Variants in CFAP54 observed in about 807,000 individuals in gnomAD.
CFAP54 encodes the protein cilia and flagella associated protein 54.
Under a neutral mutation model 370.4 loss-of-function variants are expected in CFAP54, and 290 were observed. The observed-to-expected ratio is 0.78, with a 90% CI of 0.71 to 0.86. The LOEUF (loss-of-function observed/expected upper bound fraction) is 0.86. Among genes scored for constraint, CFAP54 ranks in the 40% least tolerant of loss-of-function variants. The pLI is 0.00. For missense variants in CFAP54, 3,399 were observed against 3,528.7 expected, an observed-to-expected ratio of 0.96 and a Z score of 0.93; for synonymous variants, 1,206 against 1,236.5, an observed-to-expected ratio of 0.98 and a Z score of 0.52.
rs2160502 is a variant in CFAP54 at position 96,534,208 on chromosome 12, A to C, written c.1686A>C (p.Leu562Phe). 42 of 1,415,654 alleles carry C rather than the reference A, an allele frequency of 3.0e-5. 1 individual carries two copies. The South Asian group carries it at 5.3e-4, about 18-fold the overall frequency. The allele number at this position is 1,415,654 out of a possible 1,614,324, so 87.7% of individuals were successfully genotyped here. ...AAGGACAGTCAACTCAAATTTATTTAAAAAAAATTGCTGTTCATGGTAAGT... is the reference window on the plus strand; with the variant it reads ...AAGGACAGTCAACTCAAATTTATTTCAAAAAAATTGCTGTTCATGGTAAGT... Reference protein sequence around the residue: ...YKEGQSTQIYLKKIAVHDTCL... With the variant: ...YKEGQSTQIYFKKIAVHDTCL... Residue 562 changes from leucine to phenylalanine, a missense_variant, in exon 11 of 68, where the codon TTA (leucine) becomes TTC (phenylalanine). By Grantham distance (22) the Leu-to-Phe change is conservative. Around this residue, in one of 3 missense-constraint regions of CFAP54, gnomAD observed 2,796 missense variants for 2,869.7 expected, o/e 0.97. Transcript: ENST00000524981.
At chr12:96,786,523 T>C (rs1335860234) in intron 61 of CFAP54, among the ~76,000 whole-genome samples, 152 bp from the exon 62 acceptor site, 1 of 152,066 alleles carries the variant, frequency 6.6e-6, no homozygotes, top group African/African-American at 2.4e-5. Flanking sequence ...ATTCCATTAG[T>C]GTATAAGCTC....
intron 67 of CFAP54, among the ~76,000 whole-genome samples, chr12:96,869,219 G>A (rs538431473): frequency 1.4e-4 from 22 of 152,254 alleles, no homozygotes; most frequent in Non-Finnish European, 2.8e-4. Context: ...ATTTTTGTTC[G>A]AGGAAAAATA....
intron 55 of CFAP54, among the ~76,000 whole-genome samples, chr12:96,750,674 G>T (rs1056464398): frequency 1.3e-5 from 2 of 152,082 alleles, no homozygotes; most frequent in African/African-American, 4.8e-5. Context: ...GTGTTAAATT[G>T]TACAGATTGT....
At position 96,833,507 on chromosome 12, in the gene CFAP54, C is replaced by CGTGTGT. The variant is rs34316003; in HGVS notation, c.9171+4451_9171+4456dup. On this transcript the variant is annotated intron_variant, in intron 66 of 67. Coordinates refer to ENST00000524981, the MANE Select transcript of CFAP54 (RefSeq NM_001306084.2). ...TTGCCTAATCAATTACACACGCGTA[C>CGTGTGT]GTGTGTGTGTGTGTGTGTGTGTGTG... is the stretch of plus-strand genomic sequence containing the variant. Among the ~76,000 whole-genome samples, 1,205 of 144,142 alleles carry CGTGTGT rather than the reference C, an allele frequency of 8.4e-3. 13 individuals are homozygous for CGTGTGT. Among genetic ancestry groups the CGTGTGT allele is most frequent in the African/African-American group, 0.024 (956 of 39,632 alleles). The allele number at this position is 144,142 out of a possible 152,430, so 94.6% of individuals were successfully genotyped here.
chr12:96,765,073 G>T lies in CFAP54; in HGVS notation c.8140-4G>T, dbSNP rs1274735883. The T allele has an allele frequency of 7.0e-7, 1 of 1,426,526 alleles. No homozygotes were observed. 88.4% of individuals were successfully genotyped at this position (1,426,526 alleles called of 1,614,324 possible). ...TATAATTCTAATTTATGCATTAATT[G>T]TAGGTCAGTGAAGCTGTGCTGGCAA... On this transcript the variant is annotated splice_region_variant and splice_polypyrimidine_tract_variant and intron_variant, in intron 59 of 67. Coordinates refer to ENST00000524981, the MANE Select transcript of CFAP54 (RefSeq NM_001306084.2).
At chr12:96,706,048 C>A (rs1367095601) in intron 47 of CFAP54, among the ~76,000 whole-genome samples, 1 of 151,960 alleles carries the variant, frequency 6.6e-6, no homozygotes, top group Non-Finnish European at 1.5e-5. Context: ...AAATCAAGAG[C>A]CTATTGTGTG....
chr12:96,545,300 A>C (rs1592843563), intron 14 of CFAP54, among the ~76,000 whole-genome samples: 1 of 152,108 alleles, frequency 6.6e-6, no homozygotes, highest in South Asian at 2.1e-4. Flanking sequence ...TAATACAGAT[A>C]ACGGGTTGAT....
At position 96,764,267 on chromosome 12, in the gene CFAP54, T is replaced by G. The variant is rs1958373230; in HGVS notation, c.8139+18T>G. The G allele has an allele frequency of 6.4e-7, 1 of 1,557,392 alleles. No individual in the cohort carries two copies. The highest frequency in any genetic ancestry group is 1.7e-5 in the Admixed American group (1 of 59,108). On this transcript the variant is annotated intron_variant, in intron 59 of 67. Transcript: ENST00000524981. ...CTGCACAGGTTGGTGTGATTTTTGT[T>G]TAATCTTTCTTCTTACTGTCATATC...
intron 26 of CFAP54, among the ~76,000 whole-genome samples, chr12:96,603,111 T>C (rs938455919): frequency 6.6e-6 from 1 of 152,240 alleles, no homozygotes; most frequent in Non-Finnish European, 1.5e-5. Flanking sequence ...TTCCTTTCTA[T>C]GTTTAGTGCT....
chr12:96,528,239 T>G (rs181094939), intron 9 of CFAP54, among the ~76,000 whole-genome samples: 1 of 151,798 alleles, frequency 6.6e-6, no homozygotes, highest in East Asian at 1.9e-4. Context: ...TGTTTTTTTT[T>G]GTTGTTGTTT....
At chr12:96,519,202 G>A (rs913617088) in intron 6 of CFAP54, 131 bp downstream of exon 6, 48 of 838,910 alleles carry the variant, frequency 5.7e-5, no homozygotes, top group Non-Finnish European at 7.7e-5. Context: ...AGGTTCAAGC[G>A]ATTCTCCTGC....
rs1342141054 is a variant in CFAP54, at chr12:96,792,390, G to C, written c.8741G>C (p.Cys2914Ser). Reference sequence around the variant, plus strand: ...TTTAAGCCTGTTTCAGGCTCATCTTGTGTGGACATAACGCCAATAGAAATG... The same window carrying C: ...TTTAAGCCTGTTTCAGGCTCATCTTCTGTGGACATAACGCCAATAGAAATG... ...LSFKPVSGSSCVDITPIEMVT... is the reference protein window; with the variant it reads ...LSFKPVSGSSSVDITPIEMVT... The change falls in exon 63 of 68, where the codon TGT (cysteine) becomes TCT (serine). Residue 2914 changes from cysteine (C) to serine (S), a missense_variant. Physicochemically the swap from Cys to Ser is moderately radical, Grantham distance 112. Coordinates refer to ENST00000524981, the MANE Select transcript of CFAP54 (RefSeq NM_001306084.2). The C allele has an allele frequency of 3.9e-6, 6 of 1,535,790 alleles. No homozygotes were observed. Among genetic ancestry groups the C allele is most frequent in the Admixed American group, 2.0e-5 (1 of 50,980 alleles).
intron 50 of CFAP54, among the ~76,000 whole-genome samples, chr12:96,732,149 A>G (rs1957928521): frequency 6.6e-6 from 1 of 152,062 alleles, no homozygotes; most frequent in Non-Finnish European, 1.5e-5. Context: ...GTTTTCAGAC[A>G]GAGTCTTGCT....
rs536061317 is a variant in CFAP54, at chr12:96,584,878, C to T, written c.3075+3773C>T. On this transcript the variant is annotated intron_variant, in intron 22 of 67. Transcript: ENST00000524981. ...ACATTAGCTTTCATTACTTCTCCAT[C>T]TTTGGAGGAAAGGTGGCAGTTCCTG... is the stretch of plus-strand genomic sequence containing the variant. 3.3e-5 allele frequency among the ~76,000 whole-genome samples: 5 copies of T among 152,254 alleles called. No homozygotes were observed. In the East Asian group the frequency reaches 7.7e-4, roughly 24 times the overall value.
chr12:96,725,436 C>G (rs1337791768), intron 50 of CFAP54, among the ~76,000 whole-genome samples: 1 of 152,054 alleles, frequency 6.6e-6, no homozygotes, highest in Non-Finnish European at 1.5e-5. Context: ...CTCTTTGAAG[C>G]AATTGTGAAT....
chr12:96,724,859 G>C (rs910990803), intron 50 of CFAP54, among the ~76,000 whole-genome samples: 9 of 152,180 alleles, frequency 5.9e-5, no homozygotes, highest in Non-Finnish European at 1.3e-4. Context: ...TGTATAAGGT[G>C]TAAGGAAGGG....
At chr12:96,661,921 T>C (rs1036299461) in intron 38 of CFAP54, among the ~76,000 whole-genome samples, 7 of 152,164 alleles carry the variant, frequency 4.6e-5, no homozygotes, top group South Asian at 2.1e-4. Flanking sequence ...CTAAGTCTTC[T>C]TCAGTCAATG....
chr12:96,645,759 C>A (rs1257170153), intron 33 of CFAP54: 1 of 152,030 alleles, frequency 6.6e-6, no homozygotes, highest in Non-Finnish European at 1.5e-5. Flanking sequence ...GAGATATAGA[C>A]AAATGGAACA....
intron 40 of CFAP54, 26 bp from the exon 41 acceptor site, chr12:96,684,622 G>A (rs768007251): frequency 1.9e-4 from 291 of 1,561,868 alleles, no homozygotes; most frequent in Non-Finnish European, 2.5e-4. Flanking sequence ...ACTGACATTT[G>A]TTCTTTTACT....
Sources: allele counts gnomAD v4.1 joint callset (sites outside exome capture counted in the v4.1 genomes callset), GRCh38; gene constraint gnomAD v4.1.1; regional missense constraint gnomAD v4.1.1; transcripts MANE v1.5; gene names NCBI Gene and HGNC (gene_info 2026-07-23, HGNC 2026-07-21).